The following ZFHX3 variants were observed in gnomAD, a reference collection of about 807,000 sequenced individuals.
The protein encoded by ZFHX3 is zinc finger homeobox 3, also known as zinc finger homeobox protein 3.
In ZFHX3, 42 loss-of-function variants were observed where a neutral mutation model predicts 279.1. That is an observed-to-expected ratio of 0.15 (90% CI 0.12 to 0.19). ZFHX3 has a LOEUF of 0.19. Among genes scored for constraint, ZFHX3 ranks in the 10% least tolerant of loss-of-function variants. The pLI is 1.00. For synonymous variants in ZFHX3, 2,293 were observed against 1,957.8 expected (o/e 1.17, Z -4.52); for missense variants, 4,981 against 4,754.0 (o/e 1.05, Z -1.40).
chr16:73,231,134 G>C (rs1386421580), intron 5 of ZFHX3, among the ~76,000 whole-genome samples: 2 of 152,168 alleles, frequency 1.3e-5, no homozygotes, highest in African/African-American at 2.4e-5. Context: ...GCCTGAGAGA[G>C]CTGGAAGGCT....
chr16:73,218,368 G>A (rs1293526634), intron 5 of ZFHX3, among the ~76,000 whole-genome samples: 1 of 152,192 alleles, frequency 6.6e-6, no homozygotes, highest in African/African-American at 2.4e-5. Context: ...AGGAAACACA[G>A]GATTATGCAG....
rs747990539 is a variant in ZFHX3 at position 72,794,775 on chromosome 16, TCTC to T, written c.7904_7906del (p.Gly2635del). ...CAAACGCTTGTCTCTCTGAGGCTCTTCTCCTCCTGTCCCACTGTCGTTTTCGCC... is the reference window on the plus strand; with the variant it reads ...CAAACGCTTGTCTCTCTGAGGCTCTTCTCCTGTCCCACTGTCGTTTTCGCC... On this transcript the variant is annotated inframe_deletion, in exon 9 of 10. Transcript: ENST00000268489. The surrounding 1 kb of genome is among the most constrained non-coding windows in gnomAD (Gnocchi z 4.2). 1.6e-5 allele frequency: 26 copies of T among 1,614,090 alleles called. No homozygotes were observed. The highest frequency in any genetic ancestry group is 2.1e-5 in the Non-Finnish European group (25 of 1,180,050).
At chr16:73,657,368 G>T (rs2142171626) in intron 2 of ZFHX3, among the ~76,000 whole-genome samples, 1 of 152,314 alleles carries the variant, frequency 6.6e-6, no homozygotes. Context: ...GAGGCAGGGA[G>T]AATCACCTAA....
intron 4 of ZFHX3, among the ~76,000 whole-genome samples, chr16:73,309,283 T>C (rs1046332168): frequency 2.6e-5 from 4 of 152,150 alleles, no homozygotes; most frequent in African/African-American, 9.6e-5. Flanking sequence ...CTTGTGTCCA[T>C]GTGTTCTCAT....
At chr16:73,332,794 C>T (rs776376985) in intron 3 of ZFHX3, among the ~76,000 whole-genome samples, 11 of 152,148 alleles carry the variant, frequency 7.2e-5, no homozygotes, top group East Asian at 1.9e-4. Context: ...AGTCAATGAA[C>T]GTACTCCATG....
intron 8 of ZFHX3, among the ~76,000 whole-genome samples, chr16:73,069,741 C>T (rs1191468028): frequency 6.6e-6 from 1 of 152,216 alleles, no homozygotes; most frequent in East Asian, 1.9e-4. Context: ...GGAACCCACT[C>T]ATTTCTGAAA....
At chr16:73,818,252 T>C (rs16972643) in intron 1 of ZFHX3, among the ~76,000 whole-genome samples, 1,700 of 152,296 alleles carry the variant, frequency 0.011, 26 homozygotes, top group African/African-American at 0.038. Flanking sequence ...AGCAAATACT[T>C]TGAGGCAATG....
chr16:73,130,108 C>G (rs753811022), intron 7 of ZFHX3, among the ~76,000 whole-genome samples: 6 of 152,162 alleles, frequency 3.9e-5, no homozygotes, highest in Non-Finnish European at 4.4e-5. Context: ...GTTCTGTTAT[C>G]CCAGCACAGA....
chr16:73,326,040 C>G (rs1405558211), intron 3 of ZFHX3, among the ~76,000 whole-genome samples: 1 of 152,008 alleles, frequency 6.6e-6, no homozygotes. Context: ...ATTGCCAAGT[C>G]ATGGAAGTAT....
intron 3 of ZFHX3, among the ~76,000 whole-genome samples, chr16:72,929,239 TAA>T (rs766113421): frequency 3.3e-4 from 38 of 116,768 alleles, no homozygotes; most frequent in Non-Finnish European, 3.3e-4. Flanking sequence ...AGACCCTGTC[TAA>T]AAAAAAAAAA....
chr16:73,501,217 G>C (rs2019233809), intron 2 of ZFHX3, among the ~76,000 whole-genome samples: 1 of 152,220 alleles, frequency 6.6e-6, no homozygotes, highest in South Asian at 2.1e-4. Flanking sequence ...TAGGCGTGTA[G>C]TAGGCTATAC....
At chr16:73,061,941 A>T (rs1167328472), upstream of ZFHX3, 1 of 152,204 alleles carries the variant, frequency 6.6e-6, no homozygotes, top group Non-Finnish European at 1.5e-5. Context: ...ATATAGGAAA[A>T]TGTCAGCTTA....
intron 1 of ZFHX3, among the ~76,000 whole-genome samples, chr16:73,797,343 C>T (rs16972586): frequency 0.032 from 4,900 of 152,320 alleles, 139 homozygotes; most frequent in African/African-American, 0.08. Flanking sequence ...TCAGGTTACA[C>T]ATTTGCAGCA....
chr16:73,603,906 G>A (rs991045151), intron 2 of ZFHX3, among the ~76,000 whole-genome samples: 14 of 150,292 alleles, frequency 9.3e-5, no homozygotes, highest in African/African-American at 3.5e-4. Flanking sequence ...AGCCTCCCAA[G>A]TAGGTAGGAT....
intron 5 of ZFHX3, among the ~76,000 whole-genome samples, chr16:73,231,279 G>T (rs1037124008): frequency 6.6e-6 from 1 of 152,064 alleles, no homozygotes; most frequent in African/African-American, 2.4e-5. Context: ...ATATCTTGTC[G>T]TTTAGCTTCA....
At chr16:73,847,244 T>C (rs927876818) in intron 1 of ZFHX3, among the ~76,000 whole-genome samples, 1 of 152,182 alleles carries the variant, frequency 6.6e-6, no homozygotes, top group Admixed American at 6.5e-5. Flanking sequence ...GAGGTTGAAG[T>C]GAACTGAGAC....
intron 7 of ZFHX3, among the ~76,000 whole-genome samples, chr16:72,808,391 C>T (rs550600689): frequency 6.6e-6 from 1 of 152,080 alleles, no homozygotes; most frequent in South Asian, 2.1e-4. Flanking sequence ...CATAGTTTGG[C>T]TCAATGCAAA....
At chr16:73,434,346 C>A (rs1047060885) in intron 3 of ZFHX3, among the ~76,000 whole-genome samples, 4 of 152,142 alleles carry the variant, frequency 2.6e-5, no homozygotes, top group Admixed American at 6.5e-5. Flanking sequence ...TCTAAGGAAA[C>A]CAAAGCCCCT....
intron 4 of ZFHX3, among the ~76,000 whole-genome samples, chr16:73,257,375 G>A (rs1377606895): frequency 6.6e-6 from 1 of 152,178 alleles, no homozygotes; most frequent in African/African-American, 2.4e-5. Context: ...CTTGACAAGG[G>A]CCATTGGAAG....
Sources: gnomAD v4.1 joint callset for allele counts (sites outside exome capture counted in the v4.1 genomes callset) on GRCh38, gnomAD v4.1.1 for gene constraint, Gnocchi (gnomAD v3.1) non-coding constraint, MANE v1.5 for transcripts, NCBI Gene and HGNC (gene_info 2026-07-23, HGNC 2026-07-21) for gene names.